Variants in TBC1D20 observed in about 807,000 individuals in gnomAD.
The protein encoded by TBC1D20 is TBC1 domain family member 20, also known as chromosome 20 open reading frame 140.
A neutral mutation model predicts 41.6 loss-of-function variants in TBC1D20; 12 were observed. The ratio of observed to expected loss-of-function variants is 0.29; its 90% CI spans 0.18 to 0.47. TBC1D20 has a LOEUF of 0.47. Among genes scored for constraint, TBC1D20 ranks in the 20% least tolerant of loss-of-function variants. TBC1D20 has a pLI of 1.00. For synonymous variants in TBC1D20, 205 were observed against 204.8 expected (o/e 1.00, Z -0.01); for missense variants, 421 against 517.4 (o/e 0.81, Z 1.81).
intron 2 of TBC1D20, among the ~76,000 whole-genome samples, chr20:445,399 G>A (rs1308908545): frequency 6.6e-6 from 1 of 152,194 alleles, no homozygotes; most frequent in East Asian, 1.9e-4. Flanking sequence ...AAGACGTAAG[G>A]AGGCCAGGCG....
chr20:453,830 G>A (rs1319854424), intron 1 of TBC1D20, among the ~76,000 whole-genome samples: 2 of 146,592 alleles, frequency 1.4e-5, no homozygotes, highest in South Asian at 2.2e-4. Flanking sequence ...GATTACAGGC[G>A]TGAGCCACCA....
rs561173018 is a variant in TBC1D20, at chr20:438,208, C to G, written c.*378G>C. On this transcript the variant is annotated 3_prime_UTR_variant, in exon 8 of 8. Coordinates refer to ENST00000354200, the MANE Select transcript of TBC1D20 (RefSeq NM_144628.4). ...AAGCAGGAGCAGTAAGAGGGCATCCCATGTTCCAGTTCACCTTCTATGGGG... is the reference window on the plus strand; with the variant it reads ...AAGCAGGAGCAGTAAGAGGGCATCCGATGTTCCAGTTCACCTTCTATGGGG... 1.0e-5 allele frequency: 2 copies of G among 199,752 alleles called. No homozygotes were observed. Among genetic ancestry groups the G allele is most frequent in the East Asian group, 2.5e-4 (2 of 8,078 alleles). 12.4% of individuals were successfully genotyped at this position (199,752 alleles called of 1,614,324 possible).
At chr20:450,211 C>T (rs567691091) in intron 1 of TBC1D20, among the ~76,000 whole-genome samples, 8 of 151,062 alleles carry the variant, frequency 5.3e-5, no homozygotes, top group South Asian at 2.1e-4. Flanking sequence ...TGTAATGGCG[C>T]GATCTCAGCT....
Position 441,704 on chromosome 20 carries a change from T to G in TBC1D20, c.525-15A>C, listed in dbSNP as rs6084439. The G allele has an allele frequency of 0.049, 79,043 of 1,612,438 alleles. 2,218 individuals are homozygous for G. The highest frequency in any genetic ancestry group is 0.082 in the African/African-American group (6,128 of 74,878). ...CCATAAAATCCCTGGAGGGAGACAATTCAATAAGCCTGGTTACCAAACACT... is the reference window on the plus strand; with the variant it reads ...CCATAAAATCCCTGGAGGGAGACAAGTCAATAAGCCTGGTTACCAAACACT... On this transcript the variant is annotated splice_polypyrimidine_tract_variant and intron_variant, in intron 4 of 7. Transcript: ENST00000354200.
intron 1 of TBC1D20, 89 bp downstream of exon 1, chr20:462,247 G>A: frequency 2.2e-6 from 2 of 891,324 alleles, no homozygotes; most frequent in African/African-American, 1.8e-5. Context: ...TCCCCAGCCC[G>A]CGCCCCTCCG....
intron 1 of TBC1D20, among the ~76,000 whole-genome samples, chr20:450,942 G>A (rs765784607): frequency 4.6e-5 from 7 of 152,182 alleles, no homozygotes; most frequent in Non-Finnish European, 1.0e-4. Flanking sequence ...TTTTAGGGAT[G>A]GCTTGTGGAA....
chr20:436,529 T>C lies in TBC1D20; in HGVS notation c.*2057A>G, dbSNP rs762664412. ...CTGTGGCCTTGGGACCCTGGTCACATGCACCTCCTTTCCTCAACCCCATCA... is the reference window on the plus strand; with the variant it reads ...CTGTGGCCTTGGGACCCTGGTCACACGCACCTCCTTTCCTCAACCCCATCA... On this transcript the variant is annotated 3_prime_UTR_variant, in exon 8 of 8. Transcript: ENST00000354200. 1 of 153,736 alleles carries C rather than the reference T, an allele frequency of 6.5e-6. No homozygotes were observed. Among genetic ancestry groups the C allele is most frequent in the Non-Finnish European group, 1.5e-5 (1 of 68,064 alleles). 9.5% of individuals were successfully genotyped at this position (153,736 alleles called of 1,614,324 possible).
rs774126724 is a variant in TBC1D20, at chr20:447,990, C to T, written c.155G>A (p.Arg52His). ...GAGCCCTCCTTCACTGATAGCCATG[C>T]GTCTAAGGGCAGCCACATCAGTGGG... ...SDPTDVAALR[R>H]MAISEGGLLT... Residue 52 changes from arginine (R) to histidine (H), a missense_variant, in exon 2 of 8, where the codon CGC (arginine) becomes CAC (histidine). Arg to His is a conservative substitution (Grantham distance 29, BLOSUM62 0). Around this residue, in one of 3 missense-constraint regions of TBC1D20, gnomAD observed 150 missense variants for 151.3 expected, o/e 0.99. Transcript: ENST00000354200. 6 of 1,613,916 alleles carry T rather than the reference C, an allele frequency of 3.7e-6. No individual in the cohort carries two copies. Among genetic ancestry groups the T allele is most frequent in the Non-Finnish European group, 3.4e-6 (4 of 1,179,918 alleles).
intron 1 of TBC1D20, among the ~76,000 whole-genome samples, chr20:462,031 T>C (rs1019851604): frequency 1.3e-5 from 2 of 151,942 alleles, no homozygotes; most frequent in African/African-American, 4.8e-5. Flanking sequence ...GCTCGAGGAG[T>C]CCCAGTCCTC....
At chr20:444,875 G>A (rs1363801132) in intron 3 of TBC1D20, among the ~76,000 whole-genome samples, 175 bp downstream of exon 3, 1 of 152,100 alleles carries the variant, frequency 6.6e-6, no homozygotes, top group Non-Finnish European at 1.5e-5. Flanking sequence ...AATTATTTTT[G>A]GTTCAGGCTT....
In TBC1D20 at chr20:441,834, C is replaced by T. The variant is rs781190811; in HGVS notation, c.524+23G>A. On this transcript the variant is annotated intron_variant, in intron 4 of 7. Transcript: ENST00000354200. ...ACGGCTGAGGAGTGATGCCCGTCGT[C>T]TTGTGTTCCTCTCTACTGGTACCTG... 6.2e-6 allele frequency: 10 copies of T among 1,608,906 alleles called. No individual in the cohort carries two copies. The South Asian group carries it at 7.7e-5, about 12-fold the overall frequency.
In TBC1D20 at chr20:438,483, T is replaced by G; in HGVS notation, c.*103A>C. The G allele has an allele frequency of 7.2e-7, 1 of 1,396,086 alleles. No individual in the cohort carries two copies. The highest frequency in any genetic ancestry group is 9.7e-7 in the Non-Finnish European group (1 of 1,028,490). 86.5% of individuals were successfully genotyped at this position (1,396,086 alleles called of 1,614,324 possible). ...GGGCAGGGTGGCAGGAATAAAAAAC[T>G]CTGGACAGAAACCCTTTTAATAAAG... On this transcript the variant is annotated 3_prime_UTR_variant, in exon 8 of 8. Coordinates refer to ENST00000354200, the MANE Select transcript of TBC1D20 (RefSeq NM_144628.4).
rs962431289 is a variant in TBC1D20 at position 458,981 on chromosome 20, T to C, written c.70+3355A>G. The stretch of plus-strand genomic sequence containing the variant: ...TGTCAGTGGCAGATGGAGAAAGCAC[T>C]CCCACGTGTGCCACTCTGACAAATA... On this transcript the variant is annotated intron_variant, in intron 1 of 7. Coordinates refer to ENST00000354200, the MANE Select transcript of TBC1D20 (RefSeq NM_144628.4). Among the ~76,000 whole-genome samples the C allele has an allele frequency of 2.6e-5, 4 of 152,074 alleles. No individual in the cohort carries two copies. The East Asian group carries it at 5.8e-4, about 22-fold the overall frequency.
At chr20:448,266 G>A (rs904738380) in intron 1 of TBC1D20, among the ~76,000 whole-genome samples, 192 bp from the exon 2 acceptor site, 6 of 152,114 alleles carry the variant, frequency 3.9e-5, no homozygotes, top group Non-Finnish European at 8.8e-5. Flanking sequence ...CCTCATGGTG[G>A]GAGGCTTGGA....
At chr20:462,301 C>A (rs2017647383) in intron 1 of TBC1D20, 35 bp downstream of exon 1, 2 of 1,263,258 alleles carry the variant, frequency 1.6e-6, no homozygotes, top group Non-Finnish European at 2.0e-6. Flanking sequence ...GCCGCCCTCG[C>A]AGGCCGCTCC....
intron 1 of TBC1D20, among the ~76,000 whole-genome samples, chr20:449,365 A>G (rs992191259): frequency 1.3e-5 from 2 of 148,706 alleles, no homozygotes; most frequent in African/African-American, 5.0e-5. Flanking sequence ...GGGAGGCCGA[A>G]GTGGGCAGAT....
intron 1 of TBC1D20, among the ~76,000 whole-genome samples, chr20:449,925 C>T (rs549345236): frequency 6.6e-6 from 1 of 152,316 alleles, no homozygotes; most frequent in South Asian, 2.1e-4. Flanking sequence ...TCAGTAAATT[C>T]AGGCATATCT....
At position 435,632 on chromosome 20, in the gene TBC1D20, C is replaced by T; in HGVS notation, c.*2954G>A. ...GAGTGGGGGTGCGCCACCCTCTTGGCACATGGACAAGTTCTCGTTCCCCTC... is the reference window on the plus strand; with the variant it reads ...GAGTGGGGGTGCGCCACCCTCTTGGTACATGGACAAGTTCTCGTTCCCCTC... On this transcript the variant is annotated 3_prime_UTR_variant, in exon 8 of 8. Coordinates refer to ENST00000354200, the MANE Select transcript of TBC1D20 (RefSeq NM_144628.4). The T allele has an allele frequency of 6.5e-6, 1 of 153,638 alleles. No homozygotes were observed. 9.5% of individuals were successfully genotyped at this position (153,638 alleles called of 1,614,324 possible).
intron 2 of TBC1D20, among the ~76,000 whole-genome samples, chr20:445,334 G>A (rs1196677612): frequency 1.3e-5 from 2 of 152,196 alleles, no homozygotes; most frequent in Non-Finnish European, 1.5e-5. Flanking sequence ...ATGACCCTAA[G>A]AGAAGGGAGC....
Sources: gnomAD v4.1 joint callset for allele counts (sites outside exome capture counted in the v4.1 genomes callset) on GRCh38, gnomAD v4.1.1 for gene constraint, gnomAD v4.1.1 regional missense constraint, MANE v1.5 for transcripts, NCBI Gene and HGNC (gene_info 2026-07-23, HGNC 2026-07-21) for gene names.